THADA: variants seen among roughly 807,000 people sequenced by gnomAD.
THADA encodes THADA armadillo repeat containing.
Under a neutral mutation model 219.8 loss-of-function variants are expected in THADA, and 213 were observed. The observed-to-expected ratio is 0.97, with a 90% confidence interval of 0.87 to 1.09. THADA has a LOEUF of 1.09. Among genes scored for constraint, THADA ranks in the 50% least tolerant of loss-of-function variants. The pLI is 0.00. For missense variants in THADA, 2,956 were observed against 2,311.3 expected (o/e 1.28, Z -5.72); for synonymous variants, 1,018 against 828.9 (o/e 1.23, Z -3.92).
intron 23 of THADA, among the ~76,000 whole-genome samples, chr2:43,507,876 A>G (rs1689886718): frequency 6.6e-6 from 1 of 152,222 alleles, no homozygotes; most frequent in African/African-American, 2.4e-5. Flanking sequence ...CAATAGCCAT[A>G]TCTAAATGTG....
At chr2:43,535,059 T>A (rs1223198351) in intron 21 of THADA, among the ~76,000 whole-genome samples, 1 of 152,114 alleles carries the variant, frequency 6.6e-6, no homozygotes, top group African/African-American at 2.4e-5. Flanking sequence ...TGAAATGATA[T>A]CTCATTGTGG....
chr2:43,505,889 G>T (rs7564886), intron 23 of THADA, among the ~76,000 whole-genome samples, 154 bp from the exon 24 acceptor site: 19,616 of 152,164 alleles, frequency 0.13, 1,572 homozygotes, highest in African/African-American at 0.23. Context: ...TGGGCAAGTG[G>T]TTTAACCTCA....
intron 26 of THADA, among the ~76,000 whole-genome samples, chr2:43,435,667 C>T (rs1399990964): frequency 1.3e-5 from 2 of 151,426 alleles, no homozygotes; most frequent in African/African-American, 4.9e-5. Context: ...CCTGTAATCC[C>T]AGCTACTTAG....
chr2:43,342,101 G>A (rs1344876404), intron 30 of THADA, among the ~76,000 whole-genome samples: 1 of 152,144 alleles, frequency 6.6e-6, no homozygotes, highest in African/African-American at 2.4e-5. Flanking sequence ...TGTAGTCCCA[G>A]CTGCTCAGGG....
chr2:43,321,803 G>A (rs1175911771), intron 30 of THADA, among the ~76,000 whole-genome samples: 1 of 152,182 alleles, frequency 6.6e-6, no homozygotes, highest in African/African-American at 2.4e-5. Flanking sequence ...CATGGCAGAT[G>A]TTCCAGAACT....
intron 29 of THADA, among the ~76,000 whole-genome samples, chr2:43,353,479 T>A (rs1446156399): frequency 2.0e-5 from 3 of 152,232 alleles, no homozygotes; most frequent in Non-Finnish European, 4.4e-5. Context: ...TTTCATGTCA[T>A]CTTTTTTGAG....
At chr2:43,470,488 T>C (rs1163107095) in intron 26 of THADA, among the ~76,000 whole-genome samples, 1 of 152,098 alleles carries the variant, frequency 6.6e-6, no homozygotes, top group African/African-American at 2.4e-5. Flanking sequence ...TAAGCACCTC[T>C]TAGAAGATGA....
At chr2:43,359,942 T>C (rs1048060606) in intron 29 of THADA, among the ~76,000 whole-genome samples, 1 of 152,042 alleles carries the variant, frequency 6.6e-6, no homozygotes. Context: ...CTTTTTTTTT[T>C]TTCTATTATT....
At chr2:43,308,456 A>G (rs978383306) in intron 31 of THADA, among the ~76,000 whole-genome samples, 20 of 151,400 alleles carry the variant, frequency 1.3e-4, no homozygotes, top group African/African-American at 3.4e-4. Flanking sequence ...TGTAATCCCA[A>G]CACTTTGGGA....
Position 43,586,969 on chromosome 2 carries a change from A to C in THADA, c.336T>G (p.Pro112=). 1 of 1,613,652 alleles carries C rather than the reference A, an allele frequency of 6.2e-7. No individual in the cohort carries two copies. The highest frequency in any genetic ancestry group is 8.5e-7 in the Non-Finnish European group (1 of 1,179,762). The change falls in exon 5 of 38, where the codon CCT becomes CCG. Residue 112 remains proline, a synonymous_variant. Transcript: ENST00000405975. ...SLNSLPDFFL[P]EAMHRFTSRL... ...GAGAAGTAAAACGGTGCATAGCCTC[A>C]GGTAGAAAAAAATCAGGCAGGCTAT...
chr2:43,576,882 T>C, intron 10 of THADA, 140 bp downstream of exon 10: 2 of 725,096 alleles, frequency 2.8e-6, no homozygotes, highest in Non-Finnish European at 4.7e-6. Flanking sequence ...TTTGAACTCC[T>C]GGCCTCAAGT....
chr2:43,592,929 T>G (rs1221012885), intron 1 of THADA: 2 of 152,260 alleles, frequency 1.3e-5, no homozygotes, highest in Non-Finnish European at 2.9e-5. Context: ...AATGCTATTC[T>G]CTTGAGTTTG....
chr2:43,595,139 C>T (rs1702003134), intron 1 of THADA, among the ~76,000 whole-genome samples: 1 of 152,168 alleles, frequency 6.6e-6, no homozygotes, highest in African/African-American at 2.4e-5. Flanking sequence ...CAGAGATGTT[C>T]TAGAAGGGAT....
At chr2:43,471,235 T>A (rs1464043395) in intron 26 of THADA, among the ~76,000 whole-genome samples, 1 of 152,116 alleles carries the variant, frequency 6.6e-6, no homozygotes, top group Admixed American at 6.5e-5. Context: ...TTATAAAGAA[T>A]ACACACCTGG....
At chr2:43,280,084 G>A (rs1673168493) in intron 35 of THADA, among the ~76,000 whole-genome samples, 188 bp from the exon 36 acceptor site, 1 of 152,176 alleles carries the variant, frequency 6.6e-6, no homozygotes, top group Admixed American at 6.5e-5. Context: ...TAAGGGAGCA[G>A]ATTTGGAAAT....
chr2:43,319,803 C>T (rs1434231770), intron 31 of THADA, among the ~76,000 whole-genome samples: 3 of 152,074 alleles, frequency 2.0e-5, no homozygotes, highest in South Asian at 2.1e-4. Flanking sequence ...AGTTTCAGTC[C>T]GTGGCCTGGA....
chr2:43,383,196 C>T (rs1413940752), intron 29 of THADA, among the ~76,000 whole-genome samples: 1 of 152,066 alleles, frequency 6.6e-6, no homozygotes, highest in African/African-American at 2.4e-5. Context: ...TGCATCTAAC[C>T]ACACAGAGAT....
At chr2:43,310,222 TCCCG>T (rs1558560059) in intron 31 of THADA, among the ~76,000 whole-genome samples, 7,694 of 64,534 alleles carry the variant, frequency 0.12, 709 homozygotes, top group African/African-American at 0.28. Flanking sequence ...TCCCTCCCTT[TCCCG>T]CCCCCCCCCC....
intron 30 of THADA, among the ~76,000 whole-genome samples, chr2:43,324,290 G>A (rs1391620192): frequency 3.3e-5 from 5 of 152,166 alleles, no homozygotes; most frequent in Admixed American, 1.3e-4. Context: ...CCCTAGACCC[G>A]GTACAGGCTG....
Sources: allele counts gnomAD v4.1 joint callset (sites outside exome capture counted in the v4.1 genomes callset), GRCh38; gene constraint gnomAD v4.1.1; transcripts MANE v1.5; gene names NCBI Gene and HGNC (gene_info 2026-07-23, HGNC 2026-07-21).